The following GALNT13 variants were observed in gnomAD, a reference collection of about 807,000 sequenced individuals.
GALNT13 encodes polypeptide N-acetylgalactosaminyltransferase 13.
A neutral mutation model predicts 64.2 loss-of-function variants in GALNT13; 28 were observed. The ratio of observed to expected loss-of-function variants is 0.44; its 90% confidence interval spans 0.32 to 0.60. The LOEUF is 0.60. Ranked by LOEUF, GALNT13 falls within the 20% of genes least tolerant of loss-of-function variation. GALNT13 has a pLI of 0.05. For synonymous variants in GALNT13, 214 were observed against 224.6 expected (o/e 0.95, Z 0.42); for missense variants, 577 against 669.8 (o/e 0.86, Z 1.53).
intron 3 of GALNT13, among the ~76,000 whole-genome samples, chr2:154,130,212 CTA>C (rs1424774077): frequency 6.6e-6 from 1 of 152,136 alleles, no homozygotes; most frequent in Non-Finnish European, 1.5e-5. Flanking sequence ...CAGAGAAGAA[CTA>C]TGGAAATAAA....
At chr2:153,976,254 TAATC>T (rs1389520112) in intron 3 of GALNT13, among the ~76,000 whole-genome samples, 4 of 150,880 alleles carry the variant, frequency 2.7e-5, no homozygotes, top group South Asian at 2.1e-4. Context: ...GGGTACTCAA[TAATC>T]AATCAATTAA....
the GALNT13 span, among the ~76,000 whole-genome samples, chr2:153,595,660 TG>T: frequency 1.3e-5 from 2 of 152,098 alleles, no homozygotes; most frequent in Non-Finnish European, 2.9e-5. Flanking sequence ...ATGAGCTAGA[TG>T]CTTTAAAAAT....
chr2:154,321,038 TG>T (rs1432586872), intron 9 of GALNT13, among the ~76,000 whole-genome samples: 4 of 152,104 alleles, frequency 2.6e-5, no homozygotes, highest in Non-Finnish European at 4.4e-5. Flanking sequence ...GGAACCATCT[TG>T]GGAAATGTGT....
intron 3 of GALNT13, among the ~76,000 whole-genome samples, chr2:153,971,952 G>C (rs527908046): frequency 6.6e-6 from 1 of 152,194 alleles, no homozygotes; most frequent in South Asian, 2.1e-4. Flanking sequence ...CCAATGACCA[G>C]TGTCCTCATA....
chr2:153,460,873 T>G, the GALNT13 span, among the ~76,000 whole-genome samples: 106,124 of 151,846 alleles, frequency 0.7, 37,916 homozygotes, highest in Middle Eastern at 0.78. Context: ...ATTGGGGACT[T>G]GTATGAATTA....
intron 9 of GALNT13, among the ~76,000 whole-genome samples, chr2:154,382,384 G>T (rs1698313841): frequency 6.6e-6 from 1 of 152,042 alleles, no homozygotes; most frequent in South Asian, 2.1e-4. Context: ...CTTATTTAGT[G>T]ATTACTGAGA....
the GALNT13 span, among the ~76,000 whole-genome samples, chr2:153,608,375 AG>A: frequency 6.6e-6 from 1 of 152,082 alleles, no homozygotes; most frequent in South Asian, 2.1e-4. Flanking sequence ...GTGTTGAGAA[AG>A]CAATAAGATT....
At chr2:153,800,083 T>TCTCTCTCTCTCTCTCTCTCC in the GALNT13 span, among the ~76,000 whole-genome samples, 5 of 132,356 alleles carry the variant, frequency 3.8e-5, no homozygotes, top group Non-Finnish European at 6.6e-5. Flanking sequence ...TCTCTCTCTC[T>TCTCTCTCTCTCTCTCTCTCC]CCACCCCCCA....
At chr2:153,211,233 C>A in the GALNT13 span, among the ~76,000 whole-genome samples, 2 of 151,788 alleles carry the variant, frequency 1.3e-5, no homozygotes, top group Non-Finnish European at 1.5e-5. Context: ...AGCTCAGCCT[C>A]CCGGGTTCAA....
the GALNT13 span, among the ~76,000 whole-genome samples, chr2:153,442,056 C>T: frequency 6.6e-6 from 1 of 152,222 alleles, no homozygotes; most frequent in South Asian, 2.1e-4. Flanking sequence ...CAGCTTTTGC[C>T]CAATCAGTAT....
chr2:153,554,155 A>T, the GALNT13 span, among the ~76,000 whole-genome samples: 5 of 143,006 alleles, frequency 3.5e-5, no homozygotes, highest in African/African-American at 7.7e-5. Flanking sequence ...TCTCTACTAA[A>T]AATACAAAAA....
the GALNT13 span, among the ~76,000 whole-genome samples, chr2:153,084,178 C>G: frequency 6.6e-6 from 1 of 152,138 alleles, no homozygotes; most frequent in African/African-American, 2.4e-5. Context: ...TGTGATACCT[C>G]CGGACTTGTT....
the GALNT13 span, among the ~76,000 whole-genome samples, chr2:153,662,712 T>C: frequency 1.3e-5 from 2 of 152,218 alleles, no homozygotes; most frequent in African/African-American, 2.4e-5. Context: ...ATATAATACA[T>C]TTACTTGATA....
intron 3 of GALNT13, among the ~76,000 whole-genome samples, chr2:154,117,607 T>A (rs1681664861): frequency 6.6e-6 from 1 of 152,222 alleles, no homozygotes; most frequent in African/African-American, 2.4e-5. Flanking sequence ...TTGTTCCTTT[T>A]TATGACTGAG....
chr2:154,158,185 C>G (rs778040467), intron 4 of GALNT13, among the ~76,000 whole-genome samples: 2 of 152,174 alleles, frequency 1.3e-5, no homozygotes, highest in Non-Finnish European at 2.9e-5. Flanking sequence ...TCATCTAAAT[C>G]TTAAGCACCA....
At chr2:153,300,424 G>C in the GALNT13 span, among the ~76,000 whole-genome samples, 1 of 152,160 alleles carries the variant, frequency 6.6e-6, no homozygotes, top group East Asian at 1.9e-4. Context: ...GGGAAAGCTG[G>C]GATAATTGTG....
chr2:154,258,417 A>G (rs1164720940), intron 7 of GALNT13, among the ~76,000 whole-genome samples: 1 of 152,118 alleles, frequency 6.6e-6, no homozygotes, highest in Non-Finnish European at 1.5e-5. Context: ...ATGTTTTTCC[A>G]TAGAATTAGA....
chr2:154,340,593 T>G (rs1284448420), intron 9 of GALNT13, among the ~76,000 whole-genome samples: 1 of 152,124 alleles, frequency 6.6e-6, no homozygotes, highest in Non-Finnish European at 1.5e-5. Context: ...CTAAGTCTCT[T>G]CTTCCTTTTC....
the GALNT13 span, among the ~76,000 whole-genome samples, chr2:153,488,744 T>G: frequency 6.6e-6 from 1 of 152,214 alleles, no homozygotes; most frequent in East Asian, 1.9e-4. Flanking sequence ...TAATGGAGCC[T>G]GCTATGGTTT....
Sources: gnomAD v4.1 joint callset for allele counts (sites outside exome capture counted in the v4.1 genomes callset) on GRCh38, gnomAD v4.1.1 for gene constraint, MANE v1.5 for transcripts, NCBI Gene and HGNC (gene_info 2026-07-23, HGNC 2026-07-21) for gene names.